Variants in USP7 observed in about 807,000 individuals in gnomAD.
USP7 encodes ubiquitin specific peptidase 7.
A neutral mutation model predicts 162.9 loss-of-function variants in USP7; 9 were observed. That is an observed-to-expected ratio of 0.06 (90% CI 0.03 to 0.10). USP7 has a LOEUF of 0.10. USP7 is among the 10% of genes least tolerant of loss of function. The pLI, the probability that USP7 is intolerant of heterozygous loss-of-function variation, is 1.00. For synonymous variants in USP7, 562 were observed against 475.9 expected (o/e 1.18, Z -2.35); for missense variants, 715 against 1,373.7 (o/e 0.52, Z 7.58).
intron 3 of USP7, among the ~76,000 whole-genome samples, chr16:8,922,055 T>A (rs1191844814): frequency 1.3e-5 from 2 of 152,290 alleles, no homozygotes; most frequent in East Asian, 3.9e-4. Flanking sequence ...CCAAAGTGCT[T>A]CAGGCTAAAG....
chr16:8,950,369 GAAA>G (rs1261269165), intron 1 of USP7, among the ~76,000 whole-genome samples: 1 of 152,140 alleles, frequency 6.6e-6, no homozygotes, highest in East Asian at 1.9e-4. Context: ...AGTATTTTAA[GAAA>G]AATAAAAGCC....
chr16:8,909,357 C>A, intron 11 of USP7, among the ~76,000 whole-genome samples: 2 of 152,258 alleles, frequency 1.3e-5, no homozygotes, highest in East Asian at 3.9e-4. Context: ...CAAGGCACAC[C>A]CATATGCCAA....
rs143989939 is a variant in USP7, at chr16:8,958,916, T to C, written c.79+4291A>G. Among the ~76,000 whole-genome samples, 1,190 of 152,358 alleles carry C rather than the reference T, an allele frequency of 7.8e-3. 23 individuals are homozygous for C. The highest frequency in any genetic ancestry group is 0.025 in the African/African-American group (1,059 of 41,580). ...GCTTAGGCAGAGGCCGGATGGCTTC[T>C]TCCTAATCCACATCGGATATGGTTA... On this transcript the variant is annotated intron_variant, in intron 1 of 30. Coordinates refer to ENST00000344836, the MANE Select transcript of USP7 (RefSeq NM_003470.3).
rs146591816 is a variant in USP7, at chr16:8,912,472, AAG to A, written c.1079-1647_1079-1646del. On this transcript the variant is annotated intron_variant, in intron 10 of 30. Transcript: ENST00000344836. ...GTCAAAAAAAAAAAAAGAAAGAAAA[AAG>A]AAAATAAACATTACCAAGCATGCAA... Among the ~76,000 whole-genome samples the A allele has an allele frequency of 5.7e-3, 860 of 152,106 alleles. 7 individuals carry two copies. The highest frequency in any genetic ancestry group is 0.02 in the African/African-American group (813 of 41,490).
chr16:8,956,242 C>A (rs916754193), intron 1 of USP7: 1 of 152,294 alleles, frequency 6.6e-6, no homozygotes, highest in East Asian at 1.9e-4. Flanking sequence ...CCTGGTTTCA[C>A]AAGGGAGCCT....
chr16:8,912,357 G>A (rs1367339107), intron 10 of USP7, among the ~76,000 whole-genome samples: 2 of 151,898 alleles, frequency 1.3e-5, no homozygotes, highest in Admixed American at 6.6e-5. Flanking sequence ...GAGGCTGAAA[G>A]GAGAATTGCT....
chr16:8,952,231 G>C (rs527304738), intron 1 of USP7, among the ~76,000 whole-genome samples: 2 of 152,216 alleles, frequency 1.3e-5, no homozygotes, highest in South Asian at 2.1e-4. Flanking sequence ...GCCTGGGCAC[G>C]AGGGAGAGCC....
chr16:8,904,667 G>A (rs549513049), intron 14 of USP7, 102 bp from the exon 15 acceptor site: 68 of 1,512,794 alleles, frequency 4.5e-5, no homozygotes, highest in South Asian at 3.5e-4. Flanking sequence ...TATTAGGCCG[G>A]CGTGGTGGCT....
chr16:8,899,088 A>T (rs761548193), intron 23 of USP7, 33 bp downstream of exon 23: 1 of 1,610,044 alleles, frequency 6.2e-7, no homozygotes, highest in African/African-American at 1.3e-5. Context: ...GCATGCAGTC[A>T]AGACCAAGCA....
chr16:8,893,144 T>C lies in USP7; in HGVS notation c.*854A>G, dbSNP rs2061626186. On this transcript the variant is annotated 3_prime_UTR_variant, in exon 31 of 31. Coordinates refer to ENST00000344836, the MANE Select transcript of USP7 (RefSeq NM_003470.3). ...CTTTTTTTTTCATTTTTAACTTTTTTACAAAGTCGACAGCTTACTAACCAC... is the reference window on the plus strand; with the variant it reads ...CTTTTTTTTTCATTTTTAACTTTTTCACAAAGTCGACAGCTTACTAACCAC... 6.6e-6 allele frequency: 1 copy of C among 152,222 alleles called. No homozygotes were observed. Among genetic ancestry groups the C allele is most frequent in the African/African-American group, 2.4e-5 (1 of 41,454 alleles). 9.4% of individuals were successfully genotyped at this position (152,222 alleles called of 1,614,324 possible).
At chr16:8,941,104 G>C (rs1899026309) in intron 1 of USP7, among the ~76,000 whole-genome samples, 1 of 152,166 alleles carries the variant, frequency 6.6e-6, no homozygotes, top group Non-Finnish European at 1.5e-5. Flanking sequence ...CCAAGGAGCT[G>C]CTGCCCAATT....
At chr16:8,926,964 CAGCA>C (rs1272500122) in intron 2 of USP7, among the ~76,000 whole-genome samples, 1 of 152,226 alleles carries the variant, frequency 6.6e-6, no homozygotes, top group Non-Finnish European at 1.5e-5. Flanking sequence ...CACTTTGTTA[CAGCA>C]ATTTTATCCT....
At chr16:8,939,169 G>C (rs1290105948) in intron 1 of USP7, among the ~76,000 whole-genome samples, 1 of 152,172 alleles carries the variant, frequency 6.6e-6, no homozygotes, top group African/African-American at 2.4e-5. Context: ...TTACTGTGTA[G>C]ATTTGTGTGT....
chr16:8,897,886 G>A (rs915765736), intron 25 of USP7, among the ~76,000 whole-genome samples: 11 of 150,968 alleles, frequency 7.3e-5, no homozygotes, highest in African/African-American at 2.7e-4. Flanking sequence ...GTGACAGAGC[G>A]AGACCCTGTC....
intron 1 of USP7, among the ~76,000 whole-genome samples, chr16:8,952,764 A>T (rs962144020): frequency 6.6e-6 from 1 of 151,576 alleles, no homozygotes; most frequent in Admixed American, 6.6e-5. Context: ...CAGACCCTAA[A>T]CCTCTAGTCA....
chr16:8,910,560 T>A (rs975292401), intron 11 of USP7, among the ~76,000 whole-genome samples, 185 bp downstream of exon 11: 3 of 152,112 alleles, frequency 2.0e-5, no homozygotes, highest in Admixed American at 2.0e-4. Context: ...ATAAACCAGC[T>A]GCACTCCATC....
At chr16:8,926,450 G>A (rs913578281) in intron 2 of USP7, among the ~76,000 whole-genome samples, 1 of 152,152 alleles carries the variant, frequency 6.6e-6, no homozygotes, top group Non-Finnish European at 1.5e-5. Context: ...TTGCACTCCA[G>A]CCTGGGCAAC....
In USP7 at chr16:8,897,292, G is replaced by A. The variant is rs79926513; in HGVS notation, c.2719-193C>T. ...AGTGAGGACACTGGCCCTAATCTAGGACCAACCAAATACTGACGGGAGGTT... is the reference window on the plus strand; with the variant it reads ...AGTGAGGACACTGGCCCTAATCTAGAACCAACCAAATACTGACGGGAGGTT... On this transcript the variant is annotated intron_variant, in intron 25 of 30. Coordinates refer to ENST00000344836, the MANE Select transcript of USP7 (RefSeq NM_003470.3). The A allele has an allele frequency of 5.1e-4, 292 of 570,528 alleles. No homozygotes were observed. In the African/African-American group the frequency reaches 5.1e-3, roughly 10 times the overall value. 35.3% of individuals were successfully genotyped at this position (570,528 alleles called of 1,614,324 possible).
At chr16:8,953,267 T>C (rs1446067581) in intron 1 of USP7, among the ~76,000 whole-genome samples, 4 of 152,096 alleles carry the variant, frequency 2.6e-5, no homozygotes, top group African/African-American at 9.7e-5. Context: ...CCTGCACACG[T>C]GTTCAGGGCT....
Sources: allele counts gnomAD v4.1 joint callset (sites outside exome capture counted in the v4.1 genomes callset), GRCh38; gene constraint gnomAD v4.1.1; transcripts MANE v1.5; gene names NCBI Gene and HGNC (gene_info 2026-07-23, HGNC 2026-07-21).